The following FRMD6 variants were observed in gnomAD, a reference collection of about 807,000 sequenced individuals.
FRMD6 encodes the protein FERM domain containing 6.
A neutral mutation model predicts 73.2 loss-of-function variants in FRMD6; 37 were observed. That is an observed-to-expected ratio of 0.51 (90% confidence interval 0.39 to 0.66). FRMD6 has a LOEUF of 0.66. Among genes scored for constraint, FRMD6 ranks in the 30% least tolerant of loss-of-function variants. FRMD6 has a pLI of 0.00. For synonymous variants in FRMD6, 273 were observed against 282.2 expected, an observed-to-expected ratio of 0.97 and a Z score of 0.33; for missense variants, 714 against 780.5, an observed-to-expected ratio of 0.91 and a Z score of 1.02.
chr14:51,513,486 G>T (rs145803380), intron 1 of FRMD6, among the ~76,000 whole-genome samples: 1 of 152,312 alleles, frequency 6.6e-6, no homozygotes, highest in Non-Finnish European at 1.5e-5. Context: ...CCCCGGGCCA[G>T]GCCTTTCTTC....
intron 1 of FRMD6, among the ~76,000 whole-genome samples, chr14:51,671,654 G>A (rs952791090): frequency 6.6e-6 from 1 of 152,148 alleles, no homozygotes; most frequent in African/African-American, 2.4e-5. Flanking sequence ...GGTGAAGCTT[G>A]GGTGGAAGAA....
the FRMD6 span, among the ~76,000 whole-genome samples, chr14:51,467,062 A>G: frequency 6.6e-6 from 1 of 152,132 alleles, no homozygotes; most frequent in Non-Finnish European, 1.5e-5. Flanking sequence ...GAAGGTCAGC[A>G]GATAAACATG....
At chr14:51,436,862 G>T in the FRMD6 span, 1 of 721,058 alleles carries the variant, frequency 1.4e-6, no homozygotes. Context: ...AGAGGAGAAA[G>T]GATTAGAAGG....
intron 1 of FRMD6, among the ~76,000 whole-genome samples, chr14:51,501,435 T>C (rs1346603020): frequency 6.6e-6 from 1 of 152,184 alleles, no homozygotes; most frequent in Admixed American, 6.5e-5. Context: ...ATTCTCATTA[T>C]TCAGCTCCCA....
chr14:51,626,295 T>G (rs1315375763), intron 2 of FRMD6, among the ~76,000 whole-genome samples: 1 of 152,190 alleles, frequency 6.6e-6, no homozygotes, highest in Admixed American at 6.5e-5. Flanking sequence ...GGTTGTCATT[T>G]CCTAGGTTCC....
At chr14:51,549,591 CTTTCTTT>C (rs1185517625) in intron 1 of FRMD6, among the ~76,000 whole-genome samples, 1 of 93,620 alleles carries the variant, frequency 1.1e-5, no homozygotes, top group African/African-American at 4.6e-5. Flanking sequence ...CTTTTTTTTT[CTTTCTTT>C]TTTTTTTTTT....
chr14:51,536,073 ATATT>A (rs1221101033), intron 1 of FRMD6, among the ~76,000 whole-genome samples: 3 of 96,876 alleles, frequency 3.1e-5, no homozygotes, highest in African/African-American at 1.2e-4. Flanking sequence ...TATTATATAT[ATATT>A]TTATATATAT....
At chr14:51,442,725 C>A in the FRMD6 span, among the ~76,000 whole-genome samples, 1 of 152,356 alleles carries the variant, frequency 6.6e-6, no homozygotes, top group East Asian at 1.9e-4. Flanking sequence ...TCTCCCAGGT[C>A]TATGGCTGCT....
At chr14:51,542,308 G>A (rs2139377883) in intron 1 of FRMD6, among the ~76,000 whole-genome samples, 1 of 152,074 alleles carries the variant, frequency 6.6e-6, no homozygotes, top group East Asian at 1.9e-4. Flanking sequence ...CCCGCAGTCT[G>A]ACAACTACCA....
intron 1 of FRMD6, among the ~76,000 whole-genome samples, chr14:51,524,663 T>A (rs1400344800): frequency 2.6e-5 from 4 of 152,188 alleles, no homozygotes; most frequent in South Asian, 2.1e-4. Flanking sequence ...GAGACTCTGG[T>A]GCTGCCACAT....
intron 2 of FRMD6, among the ~76,000 whole-genome samples, chr14:51,606,365 T>C (rs1054047937): frequency 1.3e-5 from 2 of 152,132 alleles, no homozygotes; most frequent in Admixed American, 6.5e-5. Context: ...TGCCCACACA[T>C]ATAAGCACAT....
At chr14:51,561,871 G>T (rs541506605) in intron 1 of FRMD6, among the ~76,000 whole-genome samples, 1 of 152,120 alleles carries the variant, frequency 6.6e-6, no homozygotes, top group Non-Finnish European at 1.5e-5. Context: ...CATTTTGATT[G>T]TTATCCCAAA....
chr14:51,549,618 GAC>G (rs1466271361), intron 1 of FRMD6, among the ~76,000 whole-genome samples: 5 of 42,414 alleles, frequency 1.2e-4, no homozygotes, highest in African/African-American at 5.1e-4. Context: ...TTTTTTTTGA[GAC>G]AGAGTCTCGC....
At chr14:51,607,312 A>G (rs1401620735) in intron 2 of FRMD6, among the ~76,000 whole-genome samples, 3 of 152,130 alleles carry the variant, frequency 2.0e-5, no homozygotes, top group Admixed American at 1.3e-4. Flanking sequence ...TCTGACTCAC[A>G]CTATGAAACT....
intron 10 of FRMD6, among the ~76,000 whole-genome samples, chr14:51,718,867 T>G (rs1897379642): frequency 6.6e-6 from 1 of 152,202 alleles, no homozygotes; most frequent in African/African-American, 2.4e-5. Context: ...CTCCTCCTGC[T>G]CATTTTCTCT....
the FRMD6 span, among the ~76,000 whole-genome samples, chr14:51,424,658 T>G: frequency 1.3e-5 from 2 of 152,172 alleles, no homozygotes; most frequent in Non-Finnish European, 2.9e-5. Context: ...GCAGCTAAAC[T>G]CCTCCCTGTG....
intron 1 of FRMD6, among the ~76,000 whole-genome samples, chr14:51,501,239 C>G (rs905024948): frequency 1.3e-5 from 2 of 152,142 alleles, no homozygotes; most frequent in African/African-American, 4.8e-5. Context: ...TTCAGAAGTA[C>G]TTGTGCAGGA....
chr14:51,672,543 G>A (rs1566551678), intron 1 of FRMD6, among the ~76,000 whole-genome samples: 2 of 152,148 alleles, frequency 1.3e-5, no homozygotes, highest in Non-Finnish European at 2.9e-5. Context: ...TAAATTCCCA[G>A]GACCCTCAGT....
chr14:51,562,603 A>G lies in FRMD6; in HGVS notation c.-209-7745A>G, dbSNP rs12590632. On this transcript the variant is annotated intron_variant, in intron 1 of 14. Coordinates refer to the FRMD6 transcript ENST00000356218. ...TGGCAAAGAGCATTCCCTCACTCCAACCCAAGGGCAATTTCTATACAGTGG... is the reference window on the plus strand; with the variant it reads ...TGGCAAAGAGCATTCCCTCACTCCAGCCCAAGGGCAATTTCTATACAGTGG... Among the ~76,000 whole-genome samples the G allele has an allele frequency of 9.9e-3, 1,503 of 152,258 alleles. 56 individuals carry two copies. The East Asian group carries it at 0.13, about 14-fold the overall frequency.
Sources: allele counts gnomAD v4.1 joint callset (sites outside exome capture counted in the v4.1 genomes callset), GRCh38; gene constraint gnomAD v4.1.1; transcripts MANE v1.5; gene names NCBI Gene and HGNC (gene_info 2026-07-23, HGNC 2026-07-21).